DNAAF9: variants seen among roughly 807,000 people sequenced by gnomAD.
The protein encoded by DNAAF9 is shulin.
DNAAF9 carries 90 observed loss-of-function variants against 167.0 expected under a neutral mutation model. The observed-to-expected ratio is 0.54, with a 90% confidence interval of 0.45 to 0.64. The LOEUF is 0.64. DNAAF9 is among the 30% of genes least tolerant of loss of function. The pLI is 0.00. For synonymous variants in DNAAF9, 491 were observed against 508.8 expected (o/e 0.96, Z 0.47); for missense variants, 1,315 against 1,442.2 (o/e 0.91, Z 1.43).
intron 14 of DNAAF9, among the ~76,000 whole-genome samples, chr20:3,324,453 A>G (rs1316323168): frequency 6.6e-6 from 1 of 151,956 alleles, no homozygotes; most frequent in Non-Finnish European, 1.5e-5. Flanking sequence ...TTCTCAGATG[A>G]TGCAGACCCC....
intron 6 of DNAAF9, chr20:3,362,230 G>A (rs1435177769): frequency 2.1e-6 from 3 of 1,406,978 alleles, no homozygotes; most frequent in African/African-American, 1.4e-5. Flanking sequence ...CCAGCTAACT[G>A]TGTCATCTCC....
chr20:3,402,327 G>T (rs373149788), intron 1 of DNAAF9, among the ~76,000 whole-genome samples: 4 of 151,626 alleles, frequency 2.6e-5, no homozygotes, highest in Admixed American at 2.0e-4. Context: ...TATACATTGC[G>T]GAAAAGTTAA....
chr20:3,391,870 C>T lies in DNAAF9; in HGVS notation c.84-9364G>A, dbSNP rs1178988760. On this transcript the variant is annotated intron_variant, in intron 1 of 36. Transcript: ENST00000252032. ...CTGGGATTACAGGCGTGAGCCACCA[C>T]GCCTGGCTGTCTTTTTTCCTTTTAA... Among the ~76,000 whole-genome samples the T allele has an allele frequency of 3.9e-5, 6 of 152,242 alleles. No individual in the cohort carries two copies. The East Asian group carries it at 5.8e-4, about 15-fold the overall frequency.
intron 23 of DNAAF9, 134 bp downstream of exon 23, chr20:3,296,727 G>A (rs2069086812): frequency 1.5e-6 from 1 of 658,336 alleles, no homozygotes; most frequent in Admixed American, 2.5e-5. Context: ...CCTGCAAGTT[G>A]GCAGCATTGA....
chr20:3,263,747 A>T (rs2068435681), intron 31 of DNAAF9, among the ~76,000 whole-genome samples: 2 of 152,262 alleles, frequency 1.3e-5, no homozygotes, highest in African/African-American at 4.8e-5. Flanking sequence ...GGTAGCTGCC[A>T]GCCACAGGAA....
chr20:3,391,666 T>C (rs895549704), intron 1 of DNAAF9, among the ~76,000 whole-genome samples: 1 of 150,052 alleles, frequency 6.7e-6, no homozygotes, highest in Non-Finnish European at 1.5e-5. Flanking sequence ...CTGCAACCTC[T>C]GCCTCCCGGG....
intron 29 of DNAAF9, among the ~76,000 whole-genome samples, chr20:3,271,565 C>A (rs912496487): frequency 6.6e-6 from 1 of 151,838 alleles, no homozygotes; most frequent in Non-Finnish European, 1.5e-5. Flanking sequence ...ATAATCATAG[C>A]GCATATATAA....
intron 6 of DNAAF9, among the ~76,000 whole-genome samples, chr20:3,365,576 G>A (rs968404955): frequency 1.3e-5 from 2 of 151,940 alleles, no homozygotes; most frequent in East Asian, 3.9e-4. Flanking sequence ...ATTTTTAGTA[G>A]AGACAGGGTT....
At chr20:3,356,596 C>T (rs921184964) in intron 7 of DNAAF9, among the ~76,000 whole-genome samples, 8 of 152,112 alleles carry the variant, frequency 5.3e-5, no homozygotes, top group African/African-American at 1.7e-4. Context: ...TCTGCTTTTT[C>T]CCTTTTTTTT....
At chr20:3,310,128 G>A (rs910097728) in intron 20 of DNAAF9, among the ~76,000 whole-genome samples, 3 of 151,772 alleles carry the variant, frequency 2.0e-5, no homozygotes, top group Non-Finnish European at 4.4e-5. Flanking sequence ...GGAGGCAGAG[G>A]TTGCAGTGAG....
At chr20:3,395,676 A>G (rs929251939) in intron 1 of DNAAF9, among the ~76,000 whole-genome samples, 3 of 152,116 alleles carry the variant, frequency 2.0e-5, no homozygotes, top group African/African-American at 7.2e-5. Context: ...CTGCATCTGG[A>G]CAGTACTGAG....
Position 3,359,570 on chromosome 20 carries a change from T to C in DNAAF9, c.636A>G (p.Leu212=). 6.2e-7 allele frequency: 1 copy of C among 1,612,828 alleles called. No individual in the cohort carries two copies. The highest frequency in any genetic ancestry group is 1.1e-5 in the South Asian group (1 of 90,860). The change falls in exon 7 of 37, where the codon CTA becomes CTG. Residue 212 remains leucine, a synonymous_variant. Transcript: ENST00000252032. ...KYELQDVSLN[L]WNVYSKMDPM... The stretch of plus-strand genomic sequence containing the variant: ...GATCCATCTTGCTGTAGACATTCCA[T>C]AGATTCAAACTCACATCCTGCAACT...
intron 27 of DNAAF9, among the ~76,000 whole-genome samples, chr20:3,282,483 C>A (rs2068779999): frequency 6.6e-6 from 1 of 152,178 alleles, no homozygotes; most frequent in African/African-American, 2.4e-5. Flanking sequence ...TCTGTCCTTG[C>A]CTCTCTCTGA....
chr20:3,290,053 T>C (rs1384254678), intron 26 of DNAAF9, 76 bp downstream of exon 26: 1 of 893,756 alleles, frequency 1.1e-6, no homozygotes, highest in Non-Finnish European at 1.9e-6. Context: ...CCAGTACATG[T>C]CTAAGGTTTT....
intron 6 of DNAAF9, among the ~76,000 whole-genome samples, chr20:3,371,633 G>A (rs921159981): frequency 1.1e-4 from 16 of 152,104 alleles, no homozygotes; most frequent in East Asian, 5.8e-4. Flanking sequence ...GTGAGCCACC[G>A]CGCCCGGCAG....
chr20:3,352,444 T>C (rs1449589291), intron 7 of DNAAF9, among the ~76,000 whole-genome samples: 1 of 152,172 alleles, frequency 6.6e-6, no homozygotes, highest in Non-Finnish European at 1.5e-5. Flanking sequence ...CAACTAACAC[T>C]TTAACCACAG....
chr20:3,251,454 A>G lies in DNAAF9; in HGVS notation c.*1118T>C, dbSNP rs2068193504. 6.6e-6 allele frequency: 1 copy of G among 152,186 alleles called. No homozygotes were observed. The highest frequency in any genetic ancestry group is 2.4e-5 in the African/African-American group (1 of 41,434). 9.4% of individuals were successfully genotyped at this position (152,186 alleles called of 1,614,324 possible). The stretch of plus-strand genomic sequence containing the variant: ...TGGCTGTGACTCCCCTGTCCCCCAC[A>G]CCAATTATGAAGGTCAGGCATGGGA... On this transcript the variant is annotated 3_prime_UTR_variant, in exon 37 of 37. Coordinates refer to ENST00000252032, the MANE Select transcript of DNAAF9 (RefSeq NM_001009984.3).
chr20:3,296,964 AT>A lies in DNAAF9; in HGVS notation c.1930-16del. The stretch of plus-strand genomic sequence containing the variant: ...AGGGAGAAGACCTAAACAAAACAGA[AT>A]TTGAGCAAAGAACACTTTAAACCCA... On this transcript the variant is annotated splice_polypyrimidine_tract_variant and intron_variant, in intron 22 of 36. Transcript: ENST00000252032. The A allele has an allele frequency of 6.7e-7, 1 of 1,503,702 alleles. No homozygotes were observed. The highest frequency in any genetic ancestry group is 9.3e-7 in the Non-Finnish European group (1 of 1,080,914). 93.1% of individuals were successfully genotyped at this position (1,503,702 alleles called of 1,614,324 possible).
At chr20:3,331,541 T>C (rs2069829773) in intron 11 of DNAAF9, among the ~76,000 whole-genome samples, 2 of 152,200 alleles carry the variant, frequency 1.3e-5, no homozygotes, top group Admixed American at 6.5e-5. Flanking sequence ...CTAGCCTTTC[T>C]GGATGGCCCC....
Sources: gnomAD v4.1 joint callset for allele counts (sites outside exome capture counted in the v4.1 genomes callset) on GRCh38, gnomAD v4.1.1 for gene constraint, MANE v1.5 for transcripts, NCBI Gene and HGNC (gene_info 2026-07-23, HGNC 2026-07-21) for gene names.